ARHGEF3: variants seen among roughly 807,000 people sequenced by gnomAD.
The protein encoded by ARHGEF3 is 59.8 kDA protein.
ARHGEF3 carries 28 observed loss-of-function variants against 63.2 expected under a neutral mutation model. The observed-to-expected ratio is 0.44, with a 90% confidence interval of 0.33 to 0.61. The LOEUF (loss-of-function observed/expected upper bound fraction) is 0.61. ARHGEF3 is among the 20% of genes least tolerant of loss of function. The probability of loss-of-function intolerance (pLI) is 0.03; values close to 1 mark genes in which losing one functional copy is unlikely to be tolerated. For missense variants in ARHGEF3, 533 were observed against 659.3 expected (o/e 0.81, Z 2.10); for synonymous variants, 266 against 254.2 (o/e 1.05, Z -0.44).
chr3:56,975,224 C>T (rs554773557), intron 2 of ARHGEF3, among the ~76,000 whole-genome samples: 5 of 152,238 alleles, frequency 3.3e-5, no homozygotes, highest in Non-Finnish European at 5.9e-5. Context: ...ATGAGACTAG[C>T]TTGGCCAACA....
At chr3:57,062,736 C>T (rs1705299797) in intron 1 of ARHGEF3, among the ~76,000 whole-genome samples, 1 of 152,152 alleles carries the variant, frequency 6.6e-6, no homozygotes, top group South Asian at 2.1e-4. Context: ...CATGCACACA[C>T]ACATACATAC....
intron 1 of ARHGEF3, among the ~76,000 whole-genome samples, chr3:57,047,940 C>A (rs1704527926): frequency 2.0e-5 from 3 of 152,046 alleles, no homozygotes; most frequent in Admixed American, 1.3e-4. Context: ...AATTACAGAC[C>A]CACCCAGAAG....
At chr3:56,901,888 T>G (rs1419531303) in intron 3 of ARHGEF3, among the ~76,000 whole-genome samples, 1 of 152,210 alleles carries the variant, frequency 6.6e-6, no homozygotes, top group Non-Finnish European at 1.5e-5. Flanking sequence ...TATTGTTGAT[T>G]CAGTAGCATT....
intron 1 of ARHGEF3, among the ~76,000 whole-genome samples, chr3:56,782,544 A>G (rs1054909949): frequency 1.3e-5 from 2 of 152,054 alleles, no homozygotes; most frequent in Admixed American, 1.3e-4. Context: ...GTTGCCTCAC[A>G]TTAGGCATCC....
chr3:56,830,087 T>C (rs2038876843), intron 4 of ARHGEF3, among the ~76,000 whole-genome samples: 1 of 152,170 alleles, frequency 6.6e-6, no homozygotes, highest in Non-Finnish European at 1.5e-5. Flanking sequence ...TCATAGAATT[T>C]GTAAGTAGCA....
At chr3:56,975,567 C>A (rs1162913800) in intron 2 of ARHGEF3, among the ~76,000 whole-genome samples, 1 of 152,154 alleles carries the variant, frequency 6.6e-6, no homozygotes, top group East Asian at 1.9e-4. Context: ...ATTTGTTACT[C>A]CCACTTTACA....
intron 2 of ARHGEF3, among the ~76,000 whole-genome samples, chr3:57,000,723 G>A (rs935861376): frequency 2.0e-5 from 3 of 152,042 alleles, no homozygotes; most frequent in African/African-American, 4.8e-5. Context: ...AGTAGAGATG[G>A]GGTTTCGCCA....
intron 3 of ARHGEF3, among the ~76,000 whole-genome samples, chr3:56,935,883 A>G (rs1698877577): frequency 6.6e-6 from 1 of 152,214 alleles, no homozygotes; most frequent in African/African-American, 2.4e-5. Flanking sequence ...ATTTAAGTCA[A>G]TCTTCATAAT....
chr3:56,787,685 G>A lies in ARHGEF3; in HGVS notation c.97-13869C>T, dbSNP rs56201611. Among the ~76,000 whole-genome samples the A allele has an allele frequency of 2.0e-5, 3 of 151,638 alleles. No homozygotes were observed. The East Asian group carries it at 5.8e-4, about 30-fold the overall frequency. ...CCTTGAAAACTTTCCCCGCCACCCCGACACTGGCTTCCCAGGATATACAAC... is the reference window on the plus strand; with the variant it reads ...CCTTGAAAACTTTCCCCGCCACCCCAACACTGGCTTCCCAGGATATACAAC... On this transcript the variant is annotated intron_variant, in intron 1 of 9. Transcript: ENST00000296315.
intron 3 of ARHGEF3, among the ~76,000 whole-genome samples, chr3:56,927,479 CTT>C (rs1302843396): frequency 6.6e-6 from 1 of 151,918 alleles, no homozygotes; most frequent in Non-Finnish European, 1.5e-5. Flanking sequence ...ATAACATAAA[CTT>C]ATATTTTAAA....
chr3:56,962,160 C>A (rs1700307945), intron 2 of ARHGEF3, among the ~76,000 whole-genome samples: 1 of 152,182 alleles, frequency 6.6e-6, no homozygotes, highest in South Asian at 2.1e-4. Context: ...TGCACAGATT[C>A]AGGGAAGGAG....
intron 4 of ARHGEF3, among the ~76,000 whole-genome samples, chr3:56,867,299 A>G (rs2040282423): frequency 6.6e-6 from 1 of 152,174 alleles, no homozygotes; most frequent in Non-Finnish European, 1.5e-5. Context: ...CCAGATGTTG[A>G]TAATATGGCA....
intron 3 of ARHGEF3, among the ~76,000 whole-genome samples, chr3:56,954,738 T>C (rs1699965014): frequency 6.6e-6 from 1 of 152,118 alleles, no homozygotes; most frequent in Non-Finnish European, 1.5e-5. Context: ...TTAATGAAGA[T>C]GACAATCCGG....
rs1225079692 is a variant in ARHGEF3 at position 56,981,375 on chromosome 3, C to T, written c.63-22486G>A. Among the ~76,000 whole-genome samples the T allele has an allele frequency of 2.6e-5, 4 of 152,274 alleles. No individual in the cohort carries two copies. The South Asian group carries it at 8.3e-4, about 32-fold the overall frequency. The stretch of plus-strand genomic sequence containing the variant: ...TGACAGTGAAGCTCACTTTCCATTA[C>T]CAGACTGAAAAGTTGGCAAAGCTTT... On this transcript the variant is annotated intron_variant, in intron 2 of 12. Coordinates refer to the ARHGEF3 transcript ENST00000338458.
rs76121262 is a variant in ARHGEF3, at chr3:56,839,811, C to T, written c.192+42481G>A. Among the ~76,000 whole-genome samples, 701 of 152,172 alleles carry T rather than the reference C, an allele frequency of 4.6e-3. 47 individuals are homozygous for T. In the East Asian group the frequency reaches 0.12, roughly 26 times the overall value. ...CCCTCCTTTAGAACCTGACAGCTCA[C>T]AACACAGGATCACATTACCACCTTT... On this transcript the variant is annotated intron_variant, in intron 4 of 12. Transcript: ENST00000338458.
intron 4 of ARHGEF3, among the ~76,000 whole-genome samples, chr3:56,857,686 G>C (rs1305736216): frequency 6.6e-6 from 1 of 152,200 alleles, no homozygotes; most frequent in Non-Finnish European, 1.5e-5. Flanking sequence ...AAGAAGCGGG[G>C]AGATGGGGGA....
chr3:57,017,548 G>T (rs544315043), intron 2 of ARHGEF3, among the ~76,000 whole-genome samples: 2 of 152,190 alleles, frequency 1.3e-5, no homozygotes, highest in Non-Finnish European at 2.9e-5. Context: ...CCTTTCAGTT[G>T]CTCAACTTGA....
intron 2 of ARHGEF3, among the ~76,000 whole-genome samples, chr3:56,967,434 A>AT (rs1700578543): frequency 1.3e-5 from 1 of 77,080 alleles, no homozygotes; most frequent in African/African-American, 5.4e-5. Flanking sequence ...TATATATTAT[A>AT]TAATATATTA....
intron 4 of ARHGEF3, among the ~76,000 whole-genome samples, chr3:56,815,272 T>C (rs2038227904): frequency 6.6e-6 from 1 of 152,234 alleles, no homozygotes; most frequent in Admixed American, 6.5e-5. Flanking sequence ...AACAAGGTGA[T>C]TTAAACATAA....
Sources: gnomAD v4.1 joint callset for allele counts (sites outside exome capture counted in the v4.1 genomes callset) on GRCh38, gnomAD v4.1.1 for gene constraint, MANE v1.5 for transcripts, NCBI Gene and HGNC (gene_info 2026-07-23, HGNC 2026-07-21) for gene names.